NCAM2: variants seen among roughly 807,000 people sequenced by gnomAD.
The protein encoded by NCAM2 is N-CAM-2.
In NCAM2, 30 loss-of-function variants were observed where a neutral mutation model predicts 98.1. That is an observed-to-expected ratio of 0.31 (90% CI 0.23 to 0.41). The LOEUF (loss-of-function observed/expected upper bound fraction) is 0.41, where lower values mean the gene tolerates loss of function less well. NCAM2 is among the 10% of genes least tolerant of loss of function. The pLI is 1.00. For synonymous variants in NCAM2, 368 were observed against 342.4 expected, an observed-to-expected ratio of 1.07 and a Z score of -0.83; for missense variants, 867 against 1,005.8, an observed-to-expected ratio of 0.86 and a Z score of 1.87.
intron 1 of NCAM2, among the ~76,000 whole-genome samples, chr21:21,265,338 ATG>A (rs201800259): frequency 0.026 from 3,350 of 130,694 alleles, 104 homozygotes; most frequent in East Asian, 0.18. Flanking sequence ...TATAATATAT[ATG>A]TGTATGTATG....
At chr21:21,537,761 T>C (rs1990059746) in intron 17 of NCAM2, 85 bp from the exon 18 acceptor site, 1 of 599,528 alleles carries the variant, frequency 1.7e-6, no homozygotes, top group African/African-American at 1.9e-5. Flanking sequence ...GGAGCATATT[T>C]TCCTTACAAA....
chr21:21,354,571 A>G (rs2075420984), intron 8 of NCAM2, among the ~76,000 whole-genome samples: 1 of 152,190 alleles, frequency 6.6e-6, no homozygotes, highest in Non-Finnish European at 1.5e-5. Context: ...ACCCTCCCCC[A>G]GTGGTTCACA....
At chr21:21,070,267 G>GTGTATATATA (rs927008848) in intron 1 of NCAM2, among the ~76,000 whole-genome samples, 5 of 145,232 alleles carry the variant, frequency 3.4e-5, no homozygotes, top group African/African-American at 1.3e-4. Flanking sequence ...TGTACATAGT[G>GTGTATATATA]TATATATATA....
At chr21:21,257,099 G>A (rs1434458594) in intron 1 of NCAM2, among the ~76,000 whole-genome samples, 1 of 152,210 alleles carries the variant, frequency 6.6e-6, no homozygotes, top group Admixed American at 6.5e-5. Context: ...CTTTCAGAAT[G>A]TAGGAGGAGA....
At chr21:21,080,363 T>G (rs2065767228) in intron 1 of NCAM2, among the ~76,000 whole-genome samples, 1 of 152,062 alleles carries the variant, frequency 6.6e-6, no homozygotes, top group African/African-American at 2.4e-5. Context: ...AAACCTGTAA[T>G]CCCAGCATTT....
At chr21:21,370,135 C>T (rs1397664237) in intron 8 of NCAM2, among the ~76,000 whole-genome samples, 13 of 151,752 alleles carry the variant, frequency 8.6e-5, no homozygotes, top group Non-Finnish European at 7.4e-5. Flanking sequence ...TTGACTTGTC[C>T]TTCCGTTTTG....
intron 1 of NCAM2, among the ~76,000 whole-genome samples, chr21:21,055,536 C>T (rs6518060): frequency 0.88 from 133,834 of 151,986 alleles, 59,501 homozygotes; most frequent in Middle Eastern, 0.96. Context: ...ACCTGCTTAC[C>T]TATTTTCTTC....
chr21:21,062,683 G>A (rs1426986467), intron 1 of NCAM2, among the ~76,000 whole-genome samples: 2 of 152,170 alleles, frequency 1.3e-5, no homozygotes, highest in Non-Finnish European at 2.9e-5. Context: ...GCACCAACTA[G>A]TAGGTCAGTT....
At chr21:21,450,793 T>TGTATGTACACACACACAC (rs751489970) in intron 12 of NCAM2, among the ~76,000 whole-genome samples, 1 of 143,428 alleles carries the variant, frequency 7.0e-6, no homozygotes, top group African/African-American at 2.6e-5. Context: ...TATGTATGTA[T>TGTATGTACACACACACAC]ACACACACAC....
chr21:21,465,852 A>G (rs944615745), intron 12 of NCAM2, among the ~76,000 whole-genome samples: 1 of 152,076 alleles, frequency 6.6e-6, no homozygotes, highest in Non-Finnish European at 1.5e-5. Flanking sequence ...TGGCTCCATC[A>G]GATGAATTTT....
chr21:21,040,145 T>A (rs181912892), intron 1 of NCAM2, among the ~76,000 whole-genome samples: 2 of 152,332 alleles, frequency 1.3e-5, no homozygotes, highest in African/African-American at 4.8e-5. Context: ...AAGATTTTTA[T>A]AGAGTTATAG....
chr21:21,308,355 T>C (rs1308266000), intron 5 of NCAM2, among the ~76,000 whole-genome samples: 1 of 152,120 alleles, frequency 6.6e-6, no homozygotes, highest in African/African-American at 2.4e-5. Flanking sequence ...GAAAACCTTT[T>C]TTTACTTTTA....
intron 5 of NCAM2, among the ~76,000 whole-genome samples, chr21:21,317,256 A>C (rs1349335992): frequency 6.6e-6 from 1 of 152,104 alleles, no homozygotes; most frequent in East Asian, 1.9e-4. Flanking sequence ...GCCTCCTGCT[A>C]TCAGGAACTT....
intron 1 of NCAM2, among the ~76,000 whole-genome samples, chr21:21,148,698 G>C (rs2067361661): frequency 6.6e-6 from 1 of 152,098 alleles, no homozygotes. Flanking sequence ...AGTTGTCATA[G>C]TTATTAATAG....
intron 16 of NCAM2, among the ~76,000 whole-genome samples, chr21:21,522,076 A>T (rs900665086): frequency 1.3e-5 from 2 of 148,160 alleles, no homozygotes; most frequent in African/African-American, 2.5e-5. Flanking sequence ...TATATATTTT[A>T]TATATGAATC....
intron 1 of NCAM2, among the ~76,000 whole-genome samples, chr21:21,248,006 T>C (rs2147271167): frequency 6.6e-6 from 1 of 152,242 alleles, no homozygotes; most frequent in Admixed American, 6.5e-5. Flanking sequence ...GAGGACAGAA[T>C]GTGAGGGAAG....
At chr21:21,329,734 T>A (rs2074620413) in intron 6 of NCAM2, among the ~76,000 whole-genome samples, 2 of 152,172 alleles carry the variant, frequency 1.3e-5, no homozygotes. Context: ...TTTTATGTAA[T>A]GTTTATTATT....
intron 6 of NCAM2, among the ~76,000 whole-genome samples, chr21:21,325,284 C>A (rs185949171): frequency 6.6e-6 from 1 of 152,194 alleles, no homozygotes; most frequent in East Asian, 1.9e-4. Context: ...AAATATACAT[C>A]AGAAGTGCAA....
intron 1 of NCAM2, among the ~76,000 whole-genome samples, chr21:21,047,695 TG>T (rs892934238): frequency 8.5e-5 from 13 of 152,308 alleles, no homozygotes; most frequent in African/African-American, 2.9e-4. Context: ...CATTATGCAT[TG>T]TTTTTTTCTT....
Sources: gnomAD v4.1 joint callset for allele counts (sites outside exome capture counted in the v4.1 genomes callset) on GRCh38, gnomAD v4.1.1 for gene constraint, MANE v1.5 for transcripts, NCBI Gene and HGNC (gene_info 2026-07-23, HGNC 2026-07-21) for gene names.